Variants in CTNNA3 observed in about 807,000 individuals in gnomAD.
The protein encoded by CTNNA3 is catenin alpha 3.
Under a neutral mutation model 95.7 loss-of-function variants are expected in CTNNA3, and 76 were observed. The observed-to-expected ratio is 0.79, with a 90% CI of 0.66 to 0.96. The LOEUF is 0.96. CTNNA3 is among the 40% of genes least tolerant of loss of function. The pLI, the probability that CTNNA3 is intolerant of heterozygous loss-of-function variation, is 0.00. For synonymous variants in CTNNA3, 431 were observed against 374.4 expected, an observed-to-expected ratio of 1.15 and a Z score of -1.74; for missense variants, 1,191 against 1,089.8, an observed-to-expected ratio of 1.09 and a Z score of -1.31.
chr10:66,079,980 T>C (rs765280175), intron 14 of CTNNA3, among the ~76,000 whole-genome samples: 4 of 152,104 alleles, frequency 2.6e-5, no homozygotes, highest in Non-Finnish European at 4.4e-5. Context: ...AGTAATATAC[T>C]ACTATTATTT....
chr10:67,581,990 T>A (rs1842419473), intron 3 of CTNNA3, among the ~76,000 whole-genome samples: 1 of 152,104 alleles, frequency 6.6e-6, no homozygotes, highest in Admixed American at 6.5e-5. Context: ...TCAATTTTGT[T>A]GATCCTTTCA....
intron 13 of CTNNA3, among the ~76,000 whole-genome samples, chr10:66,131,618 C>A (rs1173261615): frequency 6.6e-6 from 1 of 152,034 alleles, no homozygotes; most frequent in Non-Finnish European, 1.5e-5. Flanking sequence ...AAGAACAAAG[C>A]TGGAGGCATC....
At chr10:67,671,824 G>A (rs1157491196) in intron 1 of CTNNA3, among the ~76,000 whole-genome samples, 2 of 151,932 alleles carry the variant, frequency 1.3e-5, no homozygotes, top group Non-Finnish European at 2.9e-5. Context: ...AAACATACGT[G>A]TGCATGTGTC....
At position 67,683,583 on chromosome 10, in the gene CTNNA3, C is replaced by T. The variant is rs76220053; in HGVS notation, c.-6+12417G>A. On this transcript the variant is annotated intron_variant, in intron 1 of 17. Transcript: ENST00000433211. ...CTGAGAATTGGTAATTCATTTATTA[C>T]CCAGTTAATTGTATACCTTCATCCC... 6.6e-4 allele frequency among the ~76,000 whole-genome samples: 101 copies of T among 152,286 alleles called. 2 individuals are homozygous for T. The East Asian group carries it at 0.018, about 27-fold the overall frequency.
chr10:67,740,978 C>T (rs1487109069), intron 1 of CTNNA3, among the ~76,000 whole-genome samples: 1 of 151,230 alleles, frequency 6.6e-6, no homozygotes, highest in East Asian at 1.9e-4. Context: ...ACTATGCAGC[C>T]ATAAAAAATG....
chr10:67,592,583 T>C (rs549931784), intron 3 of CTNNA3, among the ~76,000 whole-genome samples: 16 of 152,116 alleles, frequency 1.1e-4, no homozygotes, highest in Non-Finnish European at 2.2e-4. Flanking sequence ...TATAGTTAAT[T>C]TGTCAGTAGC....
intron 9 of CTNNA3, among the ~76,000 whole-genome samples, chr10:66,646,677 A>T (rs530125481): frequency 6.6e-6 from 1 of 152,280 alleles, no homozygotes; most frequent in Non-Finnish European, 1.5e-5. Flanking sequence ...TTAGAACCAA[A>T]GCAGTACAGA....
chr10:66,789,878 C>T (rs1840900337), intron 7 of CTNNA3, among the ~76,000 whole-genome samples: 1 of 152,082 alleles, frequency 6.6e-6, no homozygotes, highest in Non-Finnish European at 1.5e-5. Flanking sequence ...ATTTGAGTAT[C>T]ATCCATAGAA....
chr10:67,480,722 G>C (rs145167221), intron 5 of CTNNA3, among the ~76,000 whole-genome samples: 3 of 152,186 alleles, frequency 2.0e-5, no homozygotes, highest in African/African-American at 7.2e-5. Flanking sequence ...TAAATAGGTG[G>C]GTCAAACTCT....
chr10:67,263,937 A>T (rs558048647), intron 5 of CTNNA3, among the ~76,000 whole-genome samples: 2 of 152,148 alleles, frequency 1.3e-5, no homozygotes, highest in Admixed American at 6.5e-5. Context: ...GAATTGTAAT[A>T]AAAAAAAGTG....
At chr10:67,479,008 A>C (rs1350519243) in intron 5 of CTNNA3, among the ~76,000 whole-genome samples, 2 of 152,162 alleles carry the variant, frequency 1.3e-5, no homozygotes, top group African/African-American at 4.8e-5. Flanking sequence ...AAAGAAGACA[A>C]AGAAGGTTAT....
chr10:67,083,076 AG>A (rs1198814754), intron 7 of CTNNA3, among the ~76,000 whole-genome samples: 2 of 152,156 alleles, frequency 1.3e-5, no homozygotes, highest in African/African-American at 4.8e-5. Context: ...AAGTGTGATC[AG>A]GGGACCAGTG....
chr10:66,238,470 T>C (rs2089963562), intron 13 of CTNNA3, among the ~76,000 whole-genome samples: 1 of 152,036 alleles, frequency 6.6e-6, no homozygotes, highest in African/African-American at 2.4e-5. Flanking sequence ...TCAAATTTCT[T>C]GTCTTACCAG....
intron 7 of CTNNA3, among the ~76,000 whole-genome samples, chr10:66,983,179 G>T (rs762318326): frequency 3.3e-5 from 5 of 152,160 alleles, no homozygotes; most frequent in Non-Finnish European, 7.3e-5. Flanking sequence ...AAACACTGCA[G>T]TGTCTACAGC....
chr10:67,226,970 A>G (rs1864949931), intron 5 of CTNNA3, among the ~76,000 whole-genome samples: 1 of 152,200 alleles, frequency 6.6e-6, no homozygotes, highest in Non-Finnish European at 1.5e-5. Context: ...GAACTCACCA[A>G]CCAACCATCT....
chr10:66,925,345 A>G (rs1847008521), intron 7 of CTNNA3, among the ~76,000 whole-genome samples: 1 of 152,230 alleles, frequency 6.6e-6, no homozygotes, highest in South Asian at 2.1e-4. Flanking sequence ...TATTAGTGTA[A>G]TAAATAGCAG....
At chr10:67,168,549 G>T (rs1466816135) in intron 7 of CTNNA3, among the ~76,000 whole-genome samples, 3 of 152,156 alleles carry the variant, frequency 2.0e-5, no homozygotes, top group Admixed American at 2.0e-4. Context: ...TATCTCAATA[G>T]CCACAGAAAA....
chr10:67,284,059 T>C (rs1030366317), intron 5 of CTNNA3, among the ~76,000 whole-genome samples: 1 of 152,086 alleles, frequency 6.6e-6, no homozygotes, highest in African/African-American at 2.4e-5. Context: ...GTGGGGAAAG[T>C]GGGGAAGCTC....
chr10:66,483,869 A>G (rs972950390), intron 11 of CTNNA3, among the ~76,000 whole-genome samples: 1 of 152,172 alleles, frequency 6.6e-6, no homozygotes, highest in Non-Finnish European at 1.5e-5. Flanking sequence ...AACTTAAAAG[A>G]AGAGAAAAAA....
Sources: gnomAD v4.1 joint callset for allele counts (sites outside exome capture counted in the v4.1 genomes callset) on GRCh38, gnomAD v4.1.1 for gene constraint, MANE v1.5 for transcripts, NCBI Gene and HGNC (gene_info 2026-07-23, HGNC 2026-07-21) for gene names.